The following ST18 variants were observed in gnomAD, a reference collection of about 807,000 sequenced individuals.
ST18 encodes ST18 C2H2C-type zinc finger transcription factor.
A neutral mutation model predicts 110.0 loss-of-function variants in ST18; 50 were observed. That is an observed-to-expected ratio of 0.45 (90% CI 0.36 to 0.58). ST18 has a LOEUF of 0.58. Ranked by LOEUF, ST18 falls within the 20% of genes least tolerant of loss-of-function variation. The pLI, the probability that ST18 is intolerant of heterozygous loss-of-function variation, is 0.00. For missense variants in ST18, 1,306 were observed against 1,280.1 expected, an observed-to-expected ratio of 1.02 and a Z score of -0.31; for synonymous variants, 461 against 452.4, an observed-to-expected ratio of 1.02 and a Z score of -0.24.
chr8:52,259,240 G>A (rs529818178), intron 2 of ST18, among the ~76,000 whole-genome samples: 1 of 152,264 alleles, frequency 6.6e-6, no homozygotes, highest in Non-Finnish European at 1.5e-5. Flanking sequence ...TGCTGGAGAG[G>A]CCAAACTGCA....
chr8:52,151,598 A>T (rs555015687), intron 15 of ST18, among the ~76,000 whole-genome samples: 1 of 152,328 alleles, frequency 6.6e-6, no homozygotes, highest in East Asian at 1.9e-4. Context: ...TATTAACCAT[A>T]TCAGTGCCAC....
intron 10 of ST18, among the ~76,000 whole-genome samples, chr8:52,167,565 C>T (rs976013031): frequency 1.3e-5 from 2 of 152,226 alleles, no homozygotes; most frequent in East Asian, 1.9e-4. Flanking sequence ...TAGTGATTCA[C>T]GGTCTCGAGA....
At chr8:52,226,816 G>A (rs1474534373) in intron 3 of ST18, among the ~76,000 whole-genome samples, 1 of 152,126 alleles carries the variant, frequency 6.6e-6, no homozygotes, top group East Asian at 1.9e-4. Flanking sequence ...ATTATGTAAA[G>A]AGAATTTTCT....
intron 22 of ST18, among the ~76,000 whole-genome samples, chr8:52,127,001 C>T (rs975450926): frequency 2.6e-4 from 40 of 152,078 alleles, no homozygotes; most frequent in Admixed American, 2.4e-3. Flanking sequence ...GCTGTGTTTT[C>T]GTAGAAACAA....
At chr8:52,379,501 G>A (rs770362882) in intron 2 of ST18, among the ~76,000 whole-genome samples, 12 of 151,852 alleles carry the variant, frequency 7.9e-5, no homozygotes, top group Non-Finnish European at 1.5e-4. Flanking sequence ...GAACTCCAAA[G>A]GTCCACATAT....
At chr8:52,179,627 G>T (rs932928134) in intron 9 of ST18, among the ~76,000 whole-genome samples, 2 of 151,694 alleles carry the variant, frequency 1.3e-5, no homozygotes, top group African/African-American at 4.8e-5. Context: ...ATTATATTTT[G>T]GAGTAGAAAC....
chr8:52,143,447 T>G (rs2056069944), intron 16 of ST18, among the ~76,000 whole-genome samples: 2 of 151,850 alleles, frequency 1.3e-5, no homozygotes, highest in Admixed American at 1.3e-4. Flanking sequence ...ATGGCTCCAC[T>G]GCACTCCAGC....
chr8:52,323,235 C>T (rs1564494691), intron 2 of ST18, among the ~76,000 whole-genome samples: 1 of 152,100 alleles, frequency 6.6e-6, no homozygotes, highest in Non-Finnish European at 1.5e-5. Flanking sequence ...CTCTTGACTC[C>T]CACCCGTGAT....
chr8:52,241,891 A>G (rs1018855295), intron 2 of ST18, among the ~76,000 whole-genome samples: 1 of 150,478 alleles, frequency 6.6e-6, no homozygotes, highest in African/African-American at 2.4e-5. Context: ...TTTTTTTTCC[A>G]TTAGAGGCAC....
intron 2 of ST18, among the ~76,000 whole-genome samples, chr8:52,261,612 G>A (rs1232511469): frequency 1.3e-5 from 2 of 152,154 alleles, no homozygotes; most frequent in African/African-American, 2.4e-5. Context: ...TATGCTTCCA[G>A]TTTGGTTTCT....
intron 15 of ST18, chr8:52,154,879 GA>G (rs532100359): frequency 0.01 from 1,082 of 104,834 alleles, 10 homozygotes; most frequent in Middle Eastern, 0.027. Context: ...GATCCTCTCA[GA>G]AAAAAAAAAA....
At chr8:52,229,980 G>A (rs971757580) in intron 3 of ST18, 52 bp downstream of exon 3, 2 of 152,516 alleles carry the variant, frequency 1.3e-5, no homozygotes, top group African/African-American at 4.8e-5. Flanking sequence ...TGAAAAGTTG[G>A]AGATTCTTTT....
At position 52,220,791 on chromosome 8, in the gene ST18, G is replaced by A. The variant is rs1367502620; in HGVS notation, c.-207C>T. ...ATGTCAACTCAGTTTGCCCTGCTGT[G>A]TCAGGGGGACTAAATAAATGACTTT... On this transcript the variant is annotated 5_prime_UTR_variant, in exon 5 of 26. Transcript: ENST00000689386. 1.3e-5 allele frequency: 2 copies of A among 152,154 alleles called. 1 individual carries two copies. Among genetic ancestry groups the A allele is most frequent in the African/African-American group, 4.8e-5 (2 of 41,438 alleles). 9.4% of individuals were successfully genotyped at this position (152,154 alleles called of 1,614,324 possible).
intron 2 of ST18, among the ~76,000 whole-genome samples, chr8:52,333,966 C>G (rs1810848440): frequency 6.6e-6 from 1 of 152,202 alleles, no homozygotes; most frequent in Admixed American, 6.5e-5. Context: ...GTGGGTCAGC[C>G]CTATCCCAGG....
chr8:52,316,855 T>C (rs1303248865), intron 2 of ST18, among the ~76,000 whole-genome samples: 1 of 152,332 alleles, frequency 6.6e-6, no homozygotes, highest in Admixed American at 6.5e-5. Flanking sequence ...TCCAGAACCA[T>C]GCATGAAAGT....
chr8:52,192,464 C>A (rs996977777), intron 8 of ST18, among the ~76,000 whole-genome samples: 5 of 152,188 alleles, frequency 3.3e-5, no homozygotes, highest in African/African-American at 1.2e-4. Context: ...CATGGAAATA[C>A]AATCATAAGA....
At chr8:52,338,793 C>A (rs1813441797) in intron 2 of ST18, among the ~76,000 whole-genome samples, 1 of 151,852 alleles carries the variant, frequency 6.6e-6, no homozygotes, top group Non-Finnish European at 1.5e-5. Flanking sequence ...GGCTAGAGTG[C>A]AGTGCCCAAT....
Position 52,253,741 on chromosome 8 carries a change from C to T in ST18, c.-464-23664G>A, listed in dbSNP as rs564261850. Among the ~76,000 whole-genome samples the T allele has an allele frequency of 1.3e-4, 20 of 152,188 alleles. No individual in the cohort carries two copies. In the South Asian group the frequency reaches 3.5e-3, roughly 27 times the overall value. The stretch of plus-strand genomic sequence containing the variant: ...TTTGGGATCTCACTGGTAATTTTTG[C>T]AATCTCATAAATTATTTCTGCTTTA... On this transcript the variant is annotated intron_variant, in intron 2 of 25. Coordinates refer to ENST00000689386, the MANE Select transcript of ST18 (RefSeq NM_001352837.2).
At chr8:52,174,840 C>G (rs528922262) in intron 9 of ST18, among the ~76,000 whole-genome samples, 22 of 152,322 alleles carry the variant, frequency 1.4e-4, no homozygotes, top group African/African-American at 3.8e-4. Flanking sequence ...ATTCCACCCC[C>G]CTCCCAGGCT....
Sources: allele counts gnomAD v4.1 joint callset (sites outside exome capture counted in the v4.1 genomes callset), GRCh38; gene constraint gnomAD v4.1.1; transcripts MANE v1.5; gene names NCBI Gene and HGNC (gene_info 2026-07-23, HGNC 2026-07-21).